Variants in PLXNA4 observed in about 807,000 individuals in gnomAD.
The protein encoded by PLXNA4 is plexin A4.
A neutral mutation model predicts 191.8 loss-of-function variants in PLXNA4; 44 were observed. The observed-to-expected ratio is 0.23, with a 90% CI of 0.18 to 0.29. PLXNA4 has a LOEUF of 0.29. PLXNA4 is among the 10% of genes least tolerant of loss of function. The pLI is 1.00. For missense variants in PLXNA4, 1,800 were observed against 2,488.8 expected, an observed-to-expected ratio of 0.72 and a Z score of 5.89; for synonymous variants, 1,082 against 1,009.5, an observed-to-expected ratio of 1.07 and a Z score of -1.36.
chr7:132,147,444 C>T (rs913991915), intron 27 of PLXNA4, among the ~76,000 whole-genome samples: 5 of 152,154 alleles, frequency 3.3e-5, no homozygotes, highest in African/African-American at 1.2e-4. Flanking sequence ...GGCTTCTACC[C>T]CACCTCCAGC....
At chr7:132,223,456 G>A in intron 9 of PLXNA4, 71 bp downstream of exon 9, 1 of 1,325,506 alleles carries the variant, frequency 7.5e-7, no homozygotes, top group Non-Finnish European at 1.1e-6. Flanking sequence ...CTCCTCTTAA[G>A]GGAATGCCTC....
At chr7:132,303,102 C>T (rs908550087) in intron 3 of PLXNA4, among the ~76,000 whole-genome samples, 1 of 151,444 alleles carries the variant, frequency 6.6e-6, no homozygotes, top group African/African-American at 2.4e-5. Flanking sequence ...GTCTCAAACT[C>T]GACCTCGTGA....
upstream of PLXNA4, among the ~76,000 whole-genome samples, chr7:132,577,954 G>A (rs1167628476): frequency 6.6e-6 from 1 of 152,114 alleles, no homozygotes; most frequent in African/African-American, 2.4e-5. Context: ...CCCAGAGCTG[G>A]CTTGGTAACC....
chr7:132,645,400 C>A (rs1231534487), intron 2 of PLXNA4, among the ~76,000 whole-genome samples: 2 of 152,166 alleles, frequency 1.3e-5, no homozygotes, highest in Non-Finnish European at 2.9e-5. Context: ...CGCTGTCTCT[C>A]CTGCTGCCTT....
intron 24 of PLXNA4, among the ~76,000 whole-genome samples, chr7:132,162,210 G>A (rs1795972551): frequency 6.6e-6 from 1 of 152,226 alleles, no homozygotes; most frequent in Admixed American, 6.5e-5. Flanking sequence ...CACCCTGAGG[G>A]GGCTGCTCCC....
chr7:132,209,476 A>G (rs1201820522), intron 10 of PLXNA4, among the ~76,000 whole-genome samples: 1 of 152,160 alleles, frequency 6.6e-6, no homozygotes, highest in Non-Finnish European at 1.5e-5. Context: ...GAGGTGTTTC[A>G]TATCTCCTTT....
chr7:132,291,818 C>CAG (rs1325975733), intron 4 of PLXNA4, among the ~76,000 whole-genome samples: 1 of 152,142 alleles, frequency 6.6e-6, no homozygotes, highest in African/African-American at 2.4e-5. Flanking sequence ...TTTTTTGAGT[C>CAG]AGAGTCTCAC....
At chr7:132,575,601 G>A (rs1014940279) in intron 1 of PLXNA4, among the ~76,000 whole-genome samples, 1 of 152,214 alleles carries the variant, frequency 6.6e-6, no homozygotes, top group African/African-American at 2.4e-5. Context: ...GGGGACCCAA[G>A]TCCTGTGTCT....
chr7:132,461,584 C>T (rs1221576471), intron 3 of PLXNA4, among the ~76,000 whole-genome samples: 1 of 152,086 alleles, frequency 6.6e-6, no homozygotes, highest in African/African-American at 2.4e-5. Flanking sequence ...TATTTAAATC[C>T]AAGGGAAAAG....
chr7:132,522,788 C>A (rs1335079847), intron 1 of PLXNA4, among the ~76,000 whole-genome samples: 1 of 152,104 alleles, frequency 6.6e-6, no homozygotes, highest in East Asian at 1.9e-4. Context: ...AATAAATAAA[C>A]AAACCCCAAA....
At chr7:132,561,369 GTCC>G (rs138091305) in intron 1 of PLXNA4, among the ~76,000 whole-genome samples, 550 of 43,318 alleles carry the variant, frequency 0.013, 3 homozygotes, top group African/African-American at 0.043. Flanking sequence ...CCTCCTTCTT[GTCC>G]TCCTCCTCCT....
intron 1 of PLXNA4, among the ~76,000 whole-genome samples, chr7:132,523,138 T>C (rs1224243631): frequency 6.6e-6 from 1 of 152,036 alleles, no homozygotes; most frequent in Non-Finnish European, 1.5e-5. Context: ...CAGCAATGAG[T>C]AAGACAACAA....
intron 4 of PLXNA4, among the ~76,000 whole-genome samples, chr7:132,284,947 T>G (rs560868380): frequency 1.3e-5 from 2 of 152,206 alleles, no homozygotes; most frequent in South Asian, 4.2e-4. Flanking sequence ...ACTCCTGACC[T>G]CAGATGATCT....
intron 3 of PLXNA4, among the ~76,000 whole-genome samples, chr7:132,332,446 C>T (rs767179569): frequency 1.4e-4 from 21 of 152,100 alleles, no homozygotes; most frequent in Middle Eastern, 3.2e-3. Flanking sequence ...TGAGATGGTG[C>T]GAGCTAGGGA....
rs1205244415 is a variant in PLXNA4 at position 132,124,842 on chromosome 7, T to G, written c.*5637A>C. On this transcript the variant is annotated 3_prime_UTR_variant, in exon 32 of 32. Transcript: ENST00000321063. ...TCTGCCAATACAAACAGAAAGTTCTTTTTGTATATGAAGGATTTTGTTTCG... is the reference window on the plus strand; with the variant it reads ...TCTGCCAATACAAACAGAAAGTTCTGTTTGTATATGAAGGATTTTGTTTCG... The G allele has an allele frequency of 6.6e-6, 1 of 152,230 alleles. No homozygotes were observed. The highest frequency in any genetic ancestry group is 1.5e-5 in the Non-Finnish European group (1 of 68,042). 9.4% of individuals were successfully genotyped at this position (152,230 alleles called of 1,614,324 possible).
At chr7:132,471,930 T>C (rs893095694) in intron 3 of PLXNA4, among the ~76,000 whole-genome samples, 10 of 152,198 alleles carry the variant, frequency 6.6e-5, no homozygotes, top group South Asian at 6.2e-4. Context: ...ACATCGAGTG[T>C]GCTTTATTGA....
At chr7:132,354,932 T>C in intron 3 of PLXNA4, among the ~76,000 whole-genome samples, 1 of 152,226 alleles carries the variant, frequency 6.6e-6, no homozygotes, top group East Asian at 1.9e-4. Context: ...AAATGCCTGC[T>C]TTCTTCTACT....
intron 31 of PLXNA4, among the ~76,000 whole-genome samples, chr7:132,132,618 G>A (rs757299521): frequency 6.7e-6 from 1 of 149,196 alleles, no homozygotes; most frequent in Non-Finnish European, 1.5e-5. Flanking sequence ...ACTCACTTCT[G>A]TTTCATTTCT....
chr7:132,445,010 C>T (rs1479475046), intron 3 of PLXNA4, among the ~76,000 whole-genome samples: 3 of 151,166 alleles, frequency 2.0e-5, no homozygotes, highest in South Asian at 2.1e-4. Context: ...AAAAATTAGC[C>T]GGGCACAGTG....
Sources: gnomAD v4.1 joint callset for allele counts (sites outside exome capture counted in the v4.1 genomes callset) on GRCh38, gnomAD v4.1.1 for gene constraint, MANE v1.5 for transcripts, NCBI Gene and HGNC (gene_info 2026-07-23, HGNC 2026-07-21) for gene names.